CXCL13: variants seen among roughly 807,000 people sequenced by gnomAD.
The protein encoded by CXCL13 is C-X-C motif chemokine ligand 13, also known as C-X-C motif chemokine 13.
CXCL13 carries 7 observed loss-of-function variants against 12.2 expected under a neutral mutation model. The ratio of observed to expected loss-of-function variants is 0.57; its 90% confidence interval spans 0.33 to 1.07. The LOEUF (loss-of-function observed/expected upper bound fraction) is 1.07. Among genes scored for constraint, CXCL13 ranks in the 50% least tolerant of loss-of-function variants. CXCL13 has a pLI of 0.04. For missense variants in CXCL13, 113 were observed against 127.4 expected (o/e 0.89, Z 0.55); for synonymous variants, 47 against 42.4 (o/e 1.11, Z -0.42).
chr4:77,567,738 T>C (rs1439462942), intron 1 of CXCL13, among the ~76,000 whole-genome samples: 2 of 152,304 alleles, frequency 1.3e-5, no homozygotes, highest in East Asian at 3.9e-4. Flanking sequence ...ACCAGCACCA[T>C]GACAGTGTAT....
chr4:77,564,688 C>T (rs560921361), intron 1 of CXCL13, among the ~76,000 whole-genome samples: 1 of 152,204 alleles, frequency 6.6e-6, no homozygotes, highest in Non-Finnish European at 1.5e-5. Flanking sequence ...CTAGCAAGTG[C>T]TGGAGCCTGG....
intron 1 of CXCL13, among the ~76,000 whole-genome samples, chr4:77,569,184 A>G (rs1030914734): frequency 6.6e-5 from 10 of 152,244 alleles, no homozygotes; most frequent in African/African-American, 1.9e-4. Context: ...AGCTGGAAGC[A>G]TTCACCTTGA....
intron 1 of CXCL13, among the ~76,000 whole-genome samples, chr4:77,588,428 C>T (rs191262822): frequency 1.5e-4 from 23 of 152,362 alleles, no homozygotes; most frequent in Middle Eastern, 6.8e-3. Flanking sequence ...TTGAGGATCA[C>T]TATTCTGGCA....
At chr4:77,546,385 T>C (rs894534439) in intron 1 of CXCL13, among the ~76,000 whole-genome samples, 2 of 152,220 alleles carry the variant, frequency 1.3e-5, no homozygotes, top group African/African-American at 4.8e-5. Context: ...TCCTGGACTT[T>C]TTTGGTTGGT....
At chr4:77,518,065 G>A (rs1282457094) in intron 1 of CXCL13, among the ~76,000 whole-genome samples, 1 of 152,234 alleles carries the variant, frequency 6.6e-6, no homozygotes. Flanking sequence ...GCTTAGTTTG[G>A]CTGGAGATGA....
intron 1 of CXCL13, among the ~76,000 whole-genome samples, chr4:77,550,486 G>A (rs1371968736): frequency 7.9e-5 from 12 of 152,190 alleles, no homozygotes; most frequent in Non-Finnish European, 1.5e-5. Context: ...AGCCATCTGG[G>A]AACAATCCCA....
chr4:77,537,282 A>G (rs1424949999), intron 1 of CXCL13, among the ~76,000 whole-genome samples: 1 of 152,204 alleles, frequency 6.6e-6, no homozygotes, highest in East Asian at 1.9e-4. Context: ...GGAAAGCTGT[A>G]TGAACACGAC....
At position 77,611,612 on chromosome 4, in the gene CXCL13, T is replaced by C. The variant is rs1727157877; in HGVS notation, c.*573T>C. 1 of 398,622 alleles carries C rather than the reference T, an allele frequency of 2.5e-6. No homozygotes were observed. The highest frequency in any genetic ancestry group is 1.3e-4 in the South Asian group (1 of 7,608). The allele number at this position is 398,622 out of a possible 1,614,324, so 24.7% of individuals were successfully genotyped here. A position where few individuals can be genotyped will look rare whatever the true frequency, so the allele number is the denominator to read the frequency against. On this transcript the variant is annotated 3_prime_UTR_variant, in exon 4 of 4. Coordinates refer to ENST00000682537, the MANE Select transcript of CXCL13 (RefSeq NM_001371558.1). ...ATTTACTGTCTAAGATTAATAGCATTCGAAGATCCCCAGACTTCATAGAAT... is the reference window on the plus strand; with the variant it reads ...ATTTACTGTCTAAGATTAATAGCATCCGAAGATCCCCAGACTTCATAGAAT...
intron 1 of CXCL13, among the ~76,000 whole-genome samples, chr4:77,607,250 T>A (rs1000115685): frequency 3.9e-5 from 6 of 152,244 alleles, no homozygotes; most frequent in Non-Finnish European, 8.8e-5. Flanking sequence ...GTTCTCAAAT[T>A]TTATTATGTG....
At chr4:77,538,563 G>A (rs1329816834) in intron 1 of CXCL13, among the ~76,000 whole-genome samples, 1 of 151,960 alleles carries the variant, frequency 6.6e-6, no homozygotes, top group Non-Finnish European at 1.5e-5. Context: ...CTAATTTGAA[G>A]AGAAAAAGAT....
chr4:77,587,748 G>A (rs1726509391), intron 1 of CXCL13, among the ~76,000 whole-genome samples: 1 of 152,232 alleles, frequency 6.6e-6, no homozygotes, highest in Non-Finnish European at 1.5e-5. Context: ...TCAAGTCGAA[G>A]TCAGTCTGTC....
intron 1 of CXCL13, among the ~76,000 whole-genome samples, chr4:77,555,878 C>A (rs1488704794): frequency 6.6e-6 from 1 of 152,082 alleles, no homozygotes; most frequent in Non-Finnish European, 1.5e-5. Context: ...TCAACATTTT[C>A]AGCCATAAAG....
chr4:77,519,762 T>C lies in CXCL13; in HGVS notation c.-43+7974T>C, dbSNP rs188369266. On this transcript the variant is annotated intron_variant, in intron 1 of 4. Transcript: ENST00000286758. ...TTTTGGCTTTTGTTGTCATTGCTTT[T>C]GGTGTTTTAGACATCAAGTCCTTGC... Among the ~76,000 whole-genome samples, 377 of 152,336 alleles carry C rather than the reference T, an allele frequency of 2.5e-3. 3 individuals are homozygous for C. Among genetic ancestry groups the C allele is most frequent in the African/African-American group, 8.4e-3 (349 of 41,576 alleles).
At chr4:77,581,436 G>A (rs567720796) in intron 1 of CXCL13, among the ~76,000 whole-genome samples, 49 of 152,226 alleles carry the variant, frequency 3.2e-4, no homozygotes, top group Non-Finnish European at 6.3e-4. Flanking sequence ...CCAGCTTTTT[G>A]CCATCAGAAT....
rs150351049 is a variant in CXCL13, at chr4:77,561,746, C to G, written c.-42-44078C>G. On this transcript the variant is annotated intron_variant, in intron 1 of 4. Coordinates refer to the CXCL13 transcript ENST00000286758. ...TGCTGGCAGCCCTTGCAGCCCTTGC[C>G]CACTCTCAGCACCTCCTTGGCCTCG... Among the ~76,000 whole-genome samples, 1,503 of 152,314 alleles carry G rather than the reference C, an allele frequency of 9.9e-3. 11 individuals carry two copies. Among genetic ancestry groups the G allele is most frequent in the Middle Eastern group, 0.041 (12 of 294 alleles).
chr4:77,587,426 C>T (rs1726499838), intron 1 of CXCL13, among the ~76,000 whole-genome samples: 1 of 152,134 alleles, frequency 6.6e-6, no homozygotes, highest in Admixed American at 6.5e-5. Flanking sequence ...AGCTCACAGT[C>T]CAGCTAAGGA....
intron 1 of CXCL13, among the ~76,000 whole-genome samples, chr4:77,586,532 C>G (rs1726464701): frequency 6.6e-6 from 1 of 152,116 alleles, no homozygotes; most frequent in African/African-American, 2.4e-5. Flanking sequence ...ATTTAGAATT[C>G]CACTGTGCCC....
At chr4:77,564,707 C>T (rs1725883643) in intron 1 of CXCL13, among the ~76,000 whole-genome samples, 1 of 152,148 alleles carries the variant, frequency 6.6e-6, no homozygotes, top group Non-Finnish European at 1.5e-5. Context: ...GGACTTTAAC[C>T]CTGACAGACT....
At chr4:77,571,434 T>C (rs1476978347) in intron 1 of CXCL13, among the ~76,000 whole-genome samples, 1 of 151,318 alleles carries the variant, frequency 6.6e-6, no homozygotes, top group African/African-American at 2.5e-5. Flanking sequence ...ATCGGCACTC[T>C]GTATCTAGCT....
Sources: gnomAD v4.1 joint callset for allele counts (sites outside exome capture counted in the v4.1 genomes callset) on GRCh38, gnomAD v4.1.1 for gene constraint, MANE v1.5 for transcripts, NCBI Gene and HGNC (gene_info 2026-07-23, HGNC 2026-07-21) for gene names.